GPLD1: variants seen among roughly 807,000 people sequenced by gnomAD.
GPLD1 encodes glycosylphosphatidylinositol specific phospholipase D1.
A neutral mutation model predicts 112.6 loss-of-function variants in GPLD1; 84 were observed. The observed-to-expected ratio is 0.75, with a 90% confidence interval of 0.63 to 0.89. The LOEUF is 0.89. GPLD1 is among the 40% of genes least tolerant of loss of function. GPLD1 has a pLI of 0.00. For synonymous variants in GPLD1, 386 were observed against 403.8 expected, an observed-to-expected ratio of 0.96 and a Z score of 0.53; for missense variants, 1,044 against 1,051.5, an observed-to-expected ratio of 0.99 and a Z score of 0.10.
rs1268525447 is a variant in GPLD1 at position 24,428,073 on chromosome 6, A to G, written c.*959T>C. 1 of 152,020 alleles carries G rather than the reference A, an allele frequency of 6.6e-6. No homozygotes were observed. Among genetic ancestry groups the G allele is most frequent in the African/African-American group, 2.4e-5 (1 of 41,396 alleles). The allele number at this position is 152,020 out of a possible 1,614,324, so 9.4% of individuals were successfully genotyped here. ...CACTGAACCTAAAATAAAAGTTAAAAAGGACTAAGTCACAAGTGATTTGGA... is the reference window on the plus strand; with the variant it reads ...CACTGAACCTAAAATAAAAGTTAAAGAGGACTAAGTCACAAGTGATTTGGA... On this transcript the variant is annotated 3_prime_UTR_variant, in exon 25 of 25. Coordinates refer to ENST00000230036, the MANE Select transcript of GPLD1 (RefSeq NM_001503.4).
At chr6:24,477,885 G>A (rs778787345) in intron 3 of GPLD1, among the ~76,000 whole-genome samples, 4 of 152,230 alleles carry the variant, frequency 2.6e-5, no homozygotes, top group Non-Finnish European at 1.5e-5. Context: ...ATGAGACAAG[G>A]TAAAATGTGG....
In GPLD1 at chr6:24,447,967, G is replaced by C; in HGVS notation, c.1588C>G (p.Leu530Val). 1 of 1,613,800 alleles carries C rather than the reference G, an allele frequency of 6.2e-7. No individual in the cohort carries two copies. The highest frequency in any genetic ancestry group is 8.5e-7 in the Non-Finnish European group (1 of 1,179,944). Residue 530 changes from leucine to valine, a missense_variant, in exon 17 of 25, where the codon CTG becomes GTG. By Grantham distance (32) the Leu-to-Val change is conservative. Coordinates refer to ENST00000230036, the MANE Select transcript of GPLD1 (RefSeq NM_001503.4). ...ADVNGDSEPD[L>V]VIGSPFAPGG... ...GGTGCAAAAGGGGAGCCGATGACCA[G>C]ATCGGGTTCACTGTCTCCATTCACA... is the stretch of plus-strand genomic sequence containing the variant.
At chr6:24,454,321 T>G in intron 13 of GPLD1, 120 bp from the exon 14 acceptor site, 1 of 582,220 alleles carries the variant, frequency 1.7e-6, no homozygotes, top group South Asian at 2.9e-5. Context: ...TTTTCCACCC[T>G]GCGTGACTGT....
intron 20 of GPLD1, among the ~76,000 whole-genome samples, chr6:24,440,581 C>CAAAAAAAAAAAAAAAAA (rs58480061): frequency 1.7e-5 from 2 of 118,530 alleles, no homozygotes; most frequent in Non-Finnish European, 3.5e-5. Flanking sequence ...AAAAAATACT[C>CAAAAAAAAAAAAAAAAA]AAAAAAAAAA....
At chr6:24,446,307 GCAA>G (rs1426704556) in intron 18 of GPLD1, among the ~76,000 whole-genome samples, 1 of 151,296 alleles carries the variant, frequency 6.6e-6, no homozygotes, top group Non-Finnish European at 1.5e-5. Context: ...ACGAGCCTGG[GCAA>G]CACTGCAAAA....
intron 2 of GPLD1, among the ~76,000 whole-genome samples, chr6:24,485,186 CA>C (rs1291292569): frequency 6.6e-6 from 1 of 152,146 alleles, no homozygotes; most frequent in African/African-American, 2.4e-5. Flanking sequence ...GCTCAACACA[CA>C]GTAACAAGAA....
chr6:24,475,934 G>A (rs1365284530), intron 4 of GPLD1, among the ~76,000 whole-genome samples: 1 of 152,166 alleles, frequency 6.6e-6, no homozygotes, highest in Non-Finnish European at 1.5e-5. Flanking sequence ...GTTTTACGAT[G>A]TGTTGGAAGT....
At chr6:24,471,943 C>T (rs1354035366) in intron 7 of GPLD1, among the ~76,000 whole-genome samples, 1 of 152,108 alleles carries the variant, frequency 6.6e-6, no homozygotes, top group Non-Finnish European at 1.5e-5. Flanking sequence ...AAAAACTGAT[C>T]TATTCAACTA....
downstream of GPLD1, chr6:24,424,284 C>T (rs547267978): frequency 1.5e-4 from 23 of 152,144 alleles, 1 homozygote; most frequent in Admixed American, 5.2e-4. Context: ...GATTCCTAAT[C>T]AAGATTTCAC....
chr6:24,494,364 C>T (rs964597393), upstream of GPLD1, among the ~76,000 whole-genome samples: 3 of 152,154 alleles, frequency 2.0e-5, no homozygotes, highest in African/African-American at 7.2e-5. Flanking sequence ...ATTTCCAAAG[C>T]GCTGTTATTT....
intron 20 of GPLD1, among the ~76,000 whole-genome samples, chr6:24,441,776 C>A (rs185872504): frequency 3.3e-5 from 5 of 152,288 alleles, no homozygotes; most frequent in African/African-American, 1.2e-4. Context: ...CTGTCTCTGA[C>A]TTGAAATTGT....
rs1302928118 is a variant in GPLD1 at position 24,428,523 on chromosome 6, T to C, written c.*509A>G. On this transcript the variant is annotated 3_prime_UTR_variant, in exon 25 of 25. Transcript: ENST00000230036. ...TCCTGCAATAGTTTATGAAGGATAA[T>C]GGCCTCCAGCTCCATCCATGTCCCT... 1 of 152,244 alleles carries C rather than the reference T, an allele frequency of 6.6e-6. No homozygotes were observed. The highest frequency in any genetic ancestry group is 1.5e-5 in the Non-Finnish European group (1 of 68,076). 9.4% of individuals were successfully genotyped at this position (152,244 alleles called of 1,614,324 possible).
At chr6:24,433,269 G>T (rs1762462500) in intron 23 of GPLD1, 32 bp from the exon 24 acceptor site, 1 of 1,599,808 alleles carries the variant, frequency 6.3e-7, no homozygotes, top group Non-Finnish European at 8.6e-7. Context: ...AATGGGCTTT[G>T]AAGAACATAG....
intron 5 of GPLD1, among the ~76,000 whole-genome samples, 158 bp downstream of exon 5, chr6:24,474,963 G>C (rs1295463263): frequency 7.0e-6 from 1 of 143,692 alleles, no homozygotes; most frequent in Non-Finnish European, 1.5e-5. Context: ...AAAAAAAAAA[G>C]GAACAAATTG....
intron 22 of GPLD1, among the ~76,000 whole-genome samples, chr6:24,435,144 TGGG>T (rs2127315765): frequency 6.6e-6 from 1 of 151,740 alleles, no homozygotes; most frequent in East Asian, 2.0e-4. Flanking sequence ...CCCGAGTAGC[TGGG>T]ACTACAGGCG....
chr6:24,457,366 T>C (rs1344475212), intron 12 of GPLD1, among the ~76,000 whole-genome samples: 2 of 151,940 alleles, frequency 1.3e-5, no homozygotes, highest in African/African-American at 4.8e-5. Context: ...CTGTAATCCC[T>C]GCTACTTGGG....
chr6:24,427,354 T>C lies in GPLD1; in HGVS notation c.*1678A>G, dbSNP rs1007837683. 6.6e-6 allele frequency among the ~76,000 whole-genome samples: 1 copy of C among 152,212 alleles called. No homozygotes were observed. Among genetic ancestry groups the C allele is most frequent in the African/African-American group, 2.4e-5 (1 of 41,446 alleles). Reference sequence around the variant, plus strand: ...CTCAGGCCACATCTTTTCCCTCTAGTTCTTTTGGCACAAGTTGTAACCTAA... The same window carrying C: ...CTCAGGCCACATCTTTTCCCTCTAGCTCTTTTGGCACAAGTTGTAACCTAA... On this transcript the variant is annotated 3_prime_UTR_variant, in exon 25 of 25. Transcript: ENST00000230036.
At chr6:24,466,652 T>C (rs758707724) in intron 10 of GPLD1, 28 bp downstream of exon 10, 2 of 1,589,716 alleles carry the variant, frequency 1.3e-6, no homozygotes, top group Non-Finnish European at 1.7e-6. Flanking sequence ...AGAGAGTGAT[T>C]GGTAATAGAA....
At position 24,436,754 on chromosome 6, in the gene GPLD1, C is replaced by T. The variant is rs200711803; in HGVS notation, c.2198-18G>A. The stretch of plus-strand genomic sequence containing the variant: ...GATTTCATCTGAAAACAATAAAAAC[C>T]GACAGAAGGAAGTATTTGACTCCTC... On this transcript the variant is annotated intron_variant, in intron 21 of 24. Transcript: ENST00000230036. 1.7e-5 allele frequency: 28 copies of T among 1,611,040 alleles called. No homozygotes were observed. The highest frequency in any genetic ancestry group is 5.0e-5 in the Admixed American group (3 of 59,598).
Sources: gnomAD v4.1 joint callset for allele counts (sites outside exome capture counted in the v4.1 genomes callset) on GRCh38, gnomAD v4.1.1 for gene constraint, MANE v1.5 for transcripts, NCBI Gene and HGNC (gene_info 2026-07-23, HGNC 2026-07-21) for gene names.